Variants in GPC6 observed in about 807,000 individuals in gnomAD.
GPC6 encodes glypican 6, also known as glypican-6.
GPC6 carries 14 observed loss-of-function variants against 55.2 expected under a neutral mutation model. That is an observed-to-expected ratio of 0.25 (90% CI 0.17 to 0.40). The LOEUF (loss-of-function observed/expected upper bound fraction) is 0.40, where lower values mean the gene tolerates loss of function less well. Among genes scored for constraint, GPC6 ranks in the 10% least tolerant of loss-of-function variants. GPC6 has a pLI of 1.00. For synonymous variants in GPC6, 278 were observed against 259.6 expected, an observed-to-expected ratio of 1.07 and a Z score of -0.68; for missense variants, 641 against 708.5, an observed-to-expected ratio of 0.90 and a Z score of 1.08.
chr13:94,137,990 C>G (rs943645892), intron 4 of GPC6, among the ~76,000 whole-genome samples: 1 of 152,126 alleles, frequency 6.6e-6, no homozygotes, highest in South Asian at 2.1e-4. Context: ...AAACAAGAAG[C>G]AAACAAAATC....
intron 2 of GPC6, among the ~76,000 whole-genome samples, chr13:93,766,224 A>G (rs190377252): frequency 6.6e-6 from 1 of 152,302 alleles, no homozygotes; most frequent in East Asian, 1.9e-4. Flanking sequence ...GCCGTTTTTA[A>G]TGAAATTATA....
intron 2 of GPC6, among the ~76,000 whole-genome samples, chr13:93,594,961 C>T (rs920206248): frequency 3.3e-5 from 5 of 152,014 alleles, no homozygotes; most frequent in South Asian, 2.1e-4. Flanking sequence ...TTTTGACATA[C>T]GAATTTGGGG....
intron 1 of GPC6, among the ~76,000 whole-genome samples, chr13:93,424,924 G>A (rs1041031849): frequency 2.6e-5 from 4 of 152,106 alleles, no homozygotes; most frequent in East Asian, 3.9e-4. Flanking sequence ...CTTCATGGAT[G>A]TTTGGTTATG....
intron 1 of GPC6, among the ~76,000 whole-genome samples, chr13:93,241,740 A>G (rs908356676): frequency 7.9e-5 from 12 of 152,000 alleles, no homozygotes; most frequent in Non-Finnish European, 1.2e-4. Context: ...TCTGCTTTTC[A>G]TATTGCCAGA....
intron 2 of GPC6, among the ~76,000 whole-genome samples, chr13:93,782,979 C>T (rs1029254587): frequency 6.6e-6 from 1 of 152,114 alleles, no homozygotes; most frequent in Non-Finnish European, 1.5e-5. Flanking sequence ...AGCTATGCTG[C>T]CCTTCCCCAA....
intron 2 of GPC6, among the ~76,000 whole-genome samples, chr13:93,757,803 A>G (rs976035027): frequency 1.3e-5 from 2 of 152,138 alleles, no homozygotes; most frequent in African/African-American, 4.8e-5. Context: ...CATTTAGGCC[A>G]CCTATGAATG....
chr13:93,692,017 T>C (rs1448801580), intron 2 of GPC6, among the ~76,000 whole-genome samples: 1 of 152,094 alleles, frequency 6.6e-6, no homozygotes, highest in East Asian at 1.9e-4. Context: ...AATTGCCATT[T>C]ATGTAAAATG....
chr13:93,467,327 G>A (rs779452725), intron 1 of GPC6, among the ~76,000 whole-genome samples: 8 of 152,158 alleles, frequency 5.3e-5, no homozygotes, highest in Non-Finnish European at 7.3e-5. Flanking sequence ...TGGTGCTGCC[G>A]TAATGTTGTG....
intron 7 of GPC6, among the ~76,000 whole-genome samples, chr13:94,388,927 T>C (rs1387811331): frequency 1.3e-5 from 2 of 152,220 alleles, no homozygotes; most frequent in East Asian, 3.8e-4. Context: ...GACATTGTGT[T>C]CAGAATCACA....
intron 1 of GPC6, among the ~76,000 whole-genome samples, chr13:93,347,769 G>C (rs140852977): frequency 2.2e-3 from 336 of 152,274 alleles, no homozygotes; most frequent in Non-Finnish European, 3.3e-3. Context: ...ACTCCAATGA[G>C]AGGTGATTAT....
At chr13:93,552,230 A>G (rs184714387) in intron 2 of GPC6, among the ~76,000 whole-genome samples, 3 of 152,294 alleles carry the variant, frequency 2.0e-5, no homozygotes, top group Non-Finnish European at 2.9e-5. Flanking sequence ...TAATCTGCCA[A>G]TTTCCCAAAG....
chr13:93,387,776 T>C (rs2139213100), intron 1 of GPC6, among the ~76,000 whole-genome samples: 1 of 152,354 alleles, frequency 6.6e-6, no homozygotes, highest in Middle Eastern at 3.4e-3. Context: ...GAAGTACGTT[T>C]CCACATATGG....
chr13:93,629,879 A>G (rs752918383), intron 2 of GPC6, among the ~76,000 whole-genome samples: 2 of 152,212 alleles, frequency 1.3e-5, no homozygotes, highest in Non-Finnish European at 2.9e-5. Flanking sequence ...TACATTTGGT[A>G]ATATGAAATC....
At chr13:94,394,846 G>A (rs940318809) in intron 7 of GPC6, among the ~76,000 whole-genome samples, 9 of 152,312 alleles carry the variant, frequency 5.9e-5, no homozygotes, top group Non-Finnish European at 8.8e-5. Context: ...GGCACAGTTA[G>A]AGGCTGGGTT....
At chr13:93,995,246 G>A (rs1189915760) in intron 3 of GPC6, among the ~76,000 whole-genome samples, 1 of 151,324 alleles carries the variant, frequency 6.6e-6, no homozygotes, top group Non-Finnish European at 1.5e-5. Flanking sequence ...GGAGTGCAGT[G>A]GCACAACCTC....
At chr13:93,637,337 C>T (rs181357301) in intron 2 of GPC6, among the ~76,000 whole-genome samples, 15 of 152,248 alleles carry the variant, frequency 9.9e-5, no homozygotes, top group Admixed American at 1.3e-4. Context: ...TGAGCCTCCT[C>T]ATTCCCTGCA....
chr13:94,101,118 T>C (rs920355907), intron 4 of GPC6, among the ~76,000 whole-genome samples: 1 of 152,250 alleles, frequency 6.6e-6, no homozygotes, highest in Non-Finnish European at 1.5e-5. Context: ...TCTTTCTTTC[T>C]GCCCATGCAG....
chr13:93,367,025 C>G (rs1881277026), intron 1 of GPC6, among the ~76,000 whole-genome samples: 1 of 152,018 alleles, frequency 6.6e-6, no homozygotes, highest in Non-Finnish European at 1.5e-5. Flanking sequence ...GATTACAAAA[C>G]CAAGTCGCAA....
chr13:93,669,244 C>T (rs919055471), intron 2 of GPC6, among the ~76,000 whole-genome samples: 8 of 152,034 alleles, frequency 5.3e-5, no homozygotes, highest in African/African-American at 1.4e-4. Context: ...ATTGCAATGC[C>T]GGGGACAGAG....
Sources: gnomAD v4.1 joint callset for allele counts (sites outside exome capture counted in the v4.1 genomes callset) on GRCh38, gnomAD v4.1.1 for gene constraint, MANE v1.5 for transcripts, NCBI Gene and HGNC (gene_info 2026-07-23, HGNC 2026-07-21) for gene names.